The following ANKRD27 variants were observed in gnomAD, a reference collection of about 807,000 sequenced individuals.
ANKRD27 encodes the protein ankyrin repeat domain-containing protein 27.
In ANKRD27, 112 loss-of-function variants were observed where a neutral mutation model predicts 129.7. The observed-to-expected ratio is 0.86, with a 90% CI of 0.74 to 1.01. The LOEUF is 1.01. ANKRD27 is among the 50% of genes least tolerant of loss of function. ANKRD27 has a pLI of 0.00. For missense variants in ANKRD27, 1,258 were observed against 1,300.5 expected, an observed-to-expected ratio of 0.97 and a Z score of 0.50; for synonymous variants, 516 against 511.2, an observed-to-expected ratio of 1.01 and a Z score of -0.13.
intron 4 of ANKRD27, among the ~76,000 whole-genome samples, chr19:32,645,726 G>A (rs529018530): frequency 1.0e-3 from 159 of 152,002 alleles, no homozygotes; most frequent in African/African-American, 3.6e-3. Flanking sequence ...TCTGCCTCCC[G>A]GGTTCAAGTG....
intron 20 of ANKRD27, among the ~76,000 whole-genome samples, chr19:32,618,454 A>G (rs1599742677): frequency 3.6e-5 from 2 of 55,840 alleles, no homozygotes; most frequent in Non-Finnish European, 8.4e-5. Context: ...CCAAAAAGAA[A>G]AAAAAAAAAA....
chr19:32,674,964 A>C (rs143243076), intron 1 of ANKRD27, 107 bp downstream of exon 1: 4,012 of 151,676 alleles, frequency 0.026, 84 homozygotes, highest in Middle Eastern at 0.068. Flanking sequence ...GAGAGCAGGG[A>C]GCCCCTCCCC....
At chr19:32,656,103 G>GAAAGGAAAAGA (rs1555747137) in intron 2 of ANKRD27, among the ~76,000 whole-genome samples, 5 of 123,702 alleles carry the variant, frequency 4.0e-5, no homozygotes, top group South Asian at 2.7e-4. Flanking sequence ...AAGAAAGAAA[G>GAAAGGAAAAGA]AAAGAAAAGA....
chr19:32,598,627 C>T (rs1229620073), intron 28 of ANKRD27, among the ~76,000 whole-genome samples: 3 of 152,126 alleles, frequency 2.0e-5, no homozygotes, highest in Admixed American at 6.6e-5. Context: ...TTGTTATCCC[C>T]GTTTTACACC....
chr19:32,615,754 C>CT lies in ANKRD27; in HGVS notation c.2078dup (p.Glu694GlyfsTer112), dbSNP rs779993350. 6.2e-7 allele frequency: 1 copy of CT among 1,614,038 alleles called. No individual in the cohort carries two copies. The highest frequency in any genetic ancestry group is 1.1e-5 in the South Asian group (1 of 91,072). On this transcript the variant is annotated frameshift_variant, in exon 22 of 29. Transcript: ENST00000306065. LOFTEE classifies it high-confidence loss of function. Reference sequence around the variant, plus strand: ...TGTCCTCCGCATCCTCCAGGTCCTCCTCTGTCCATTCCAACAGGTAACGCA... The same window carrying CT: ...TGTCCTCCGCATCCTCCAGGTCCTCCTTCTGTCCATTCCAACAGGTAACGCA...
intron 10 of ANKRD27, among the ~76,000 whole-genome samples, chr19:32,641,644 G>A (rs967733204): frequency 6.6e-5 from 10 of 151,996 alleles, no homozygotes; most frequent in African/African-American, 2.4e-4. Context: ...GCTGTTGGCT[G>A]GAAGTCTACC....
intron 2 of ANKRD27, among the ~76,000 whole-genome samples, chr19:32,658,471 T>C (rs1967584745): frequency 6.6e-6 from 1 of 152,210 alleles, no homozygotes; most frequent in Non-Finnish European, 1.5e-5. Context: ...TGGAAAAACC[T>C]TTCAAAGCAG....
At chr19:32,656,751 T>C (rs259247) in intron 2 of ANKRD27, among the ~76,000 whole-genome samples, 100,093 of 150,906 alleles carry the variant, frequency 0.66, 33,442 homozygotes, top group African/African-American at 0.7. Context: ...TGTCACTGTA[T>C]TCTAGCCCAG....
intron 27 of ANKRD27, 77 bp downstream of exon 27, chr19:32,599,895 C>A: frequency 6.6e-7 from 1 of 1,514,914 alleles, no homozygotes; most frequent in Non-Finnish European, 9.1e-7. Context: ...TAACCAATTA[C>A]AATTGAAGCA....
chr19:32,650,236 TCA>T (rs1473649097), intron 2 of ANKRD27, among the ~76,000 whole-genome samples: 2 of 152,186 alleles, frequency 1.3e-5, no homozygotes, highest in East Asian at 1.9e-4. Flanking sequence ...AGCTAAAAAA[TCA>T]CACTTTCTCC....
At chr19:32,670,711 G>T (rs1159684265) in intron 1 of ANKRD27, among the ~76,000 whole-genome samples, 1 of 150,900 alleles carries the variant, frequency 6.6e-6, no homozygotes, top group Non-Finnish European at 1.5e-5. Flanking sequence ...ATTTAAAAAA[G>T]GGCCAGGCAC....
At chr19:32,631,292 T>C in intron 13 of ANKRD27, 110 bp downstream of exon 13, 1 of 964,754 alleles carries the variant, frequency 1.0e-6, no homozygotes, top group Non-Finnish European at 1.6e-6. Flanking sequence ...GTGCTGTGAT[T>C]ATAGGCATGA....
intron 24 of ANKRD27, 96 bp from the exon 25 acceptor site, chr19:32,604,520 T>C (rs1421059318): frequency 9.0e-6 from 11 of 1,218,064 alleles, no homozygotes; most frequent in Non-Finnish European, 9.7e-6. Flanking sequence ...AAACACATTG[T>C]TTTTTTTATG....
chr19:32,629,837 T>C (rs1352538887), intron 13 of ANKRD27, among the ~76,000 whole-genome samples: 1 of 134,844 alleles, frequency 7.4e-6, no homozygotes, highest in Non-Finnish European at 1.5e-5. Flanking sequence ...CCTGTTCCTC[T>C]TGTGTTCTTT....
chr19:32,650,089 C>T (rs1967383796), intron 2 of ANKRD27, among the ~76,000 whole-genome samples: 1 of 152,136 alleles, frequency 6.6e-6, no homozygotes, highest in African/African-American at 2.4e-5. Context: ...ACGGCTCCTT[C>T]CTACAATCGC....
At chr19:32,665,177 T>C (rs1254932469) in intron 1 of ANKRD27, among the ~76,000 whole-genome samples, 1 of 152,102 alleles carries the variant, frequency 6.6e-6, no homozygotes, top group Non-Finnish European at 1.5e-5. Context: ...CTCCAGCTTG[T>C]TCTCCAAAGG....
chr19:32,607,854 A>C, intron 22 of ANKRD27, 22 bp from the exon 23 acceptor site: 1 of 1,586,264 alleles, frequency 6.3e-7, no homozygotes, highest in Middle Eastern at 1.7e-4. Flanking sequence ...AGAAGATGGA[A>C]ACACAAACGT....
intron 1 of ANKRD27, among the ~76,000 whole-genome samples, chr19:32,670,268 T>C (rs1179975802): frequency 6.6e-6 from 1 of 152,192 alleles, no homozygotes; most frequent in Non-Finnish European, 1.5e-5. Flanking sequence ...TCTTGGTCAC[T>C]AAAGACTGAA....
intron 1 of ANKRD27, among the ~76,000 whole-genome samples, chr19:32,664,659 T>A (rs1007136186): frequency 4.4e-5 from 6 of 136,406 alleles, no homozygotes; most frequent in Admixed American, 1.5e-4. Flanking sequence ...ATAATAATAA[T>A]AAAAAGTTCT....
Sources: gnomAD v4.1 joint callset for allele counts (sites outside exome capture counted in the v4.1 genomes callset) on GRCh38, gnomAD v4.1.1 for gene constraint, MANE v1.5 for transcripts, NCBI Gene and HGNC (gene_info 2026-07-23, HGNC 2026-07-21) for gene names.